The following PTPRQ variants were observed in gnomAD, a reference collection of about 807,000 sequenced individuals.
The protein encoded by PTPRQ is phosphatidylinositol phosphatase PTPRQ.
In PTPRQ, 199 loss-of-function variants were observed where a neutral mutation model predicts 246.0. The ratio of observed to expected loss-of-function variants is 0.81; its 90% CI spans 0.72 to 0.91. The LOEUF (loss-of-function observed/expected upper bound fraction) is 0.91. Ranked by LOEUF, PTPRQ falls within the 40% of genes least tolerant of loss-of-function variation. The pLI, the probability that PTPRQ is intolerant of heterozygous loss-of-function variation, is 0.00. For synonymous variants in PTPRQ, 869 were observed against 853.2 expected (o/e 1.02, Z -0.32); for missense variants, 2,624 against 2,528.4 (o/e 1.04, Z -0.81).
At chr12:80,648,651 A>G (rs1015410172) in intron 35 of PTPRQ, among the ~76,000 whole-genome samples, 1 of 152,128 alleles carries the variant, frequency 6.6e-6, no homozygotes, top group Non-Finnish European at 1.5e-5. Context: ...ATTTATAATG[A>G]CATTTATAAT....
intron 25 of PTPRQ, among the ~76,000 whole-genome samples, chr12:80,566,456 G>A (rs931224805): frequency 9.9e-5 from 15 of 151,906 alleles, no homozygotes; most frequent in Admixed American, 9.8e-4. Context: ...CCAGCCTGGG[G>A]GACAGAGCGA....
intron 25 of PTPRQ, among the ~76,000 whole-genome samples, 155 bp from the exon 26 acceptor site, chr12:80,587,974 G>T (rs1001645647): frequency 6.6e-6 from 1 of 152,082 alleles, no homozygotes; most frequent in African/African-American, 2.4e-5. Flanking sequence ...ATCACTCTAA[G>T]GTTCTTCTCA....
At chr12:80,485,973 A>T (rs1419385113) in intron 9 of PTPRQ, among the ~76,000 whole-genome samples, 1 of 152,104 alleles carries the variant, frequency 6.6e-6, no homozygotes, top group African/African-American at 2.4e-5. Flanking sequence ...TTTGGATTTA[A>T]ATTATGATTT....
intron 33 of PTPRQ, among the ~76,000 whole-genome samples, chr12:80,625,763 T>C (rs563232248): frequency 6.6e-6 from 1 of 152,272 alleles, no homozygotes; most frequent in African/African-American, 2.4e-5. Context: ...ATTTTAATCC[T>C]AAATAAATAC....
In PTPRQ at chr12:80,510,333, T is replaced by C; in HGVS notation, c.2568T>C (p.Ser856=). 6.5e-7 allele frequency: 1 copy of C among 1,544,318 alleles called. No homozygotes were observed. The highest frequency in any genetic ancestry group is 8.7e-7 in the Non-Finnish European group (1 of 1,143,474). The change falls in exon 17 of 45, where the codon TCT becomes TCC. Residue 856 remains serine (S), a synonymous_variant. Coordinates refer to ENST00000644991, the MANE Select transcript of PTPRQ (RefSeq NM_001145026.2). ...SILTEEDAPD[S]PPQDFSVKQL... ...ACCCTAACTTTACAGCTCCTGATTC[T>C]CCCCCTCAAGACTTCTCTGTAAAAC...
intron 8 of PTPRQ, among the ~76,000 whole-genome samples, chr12:80,475,930 T>A (rs1893796418): frequency 6.6e-6 from 1 of 152,112 alleles, no homozygotes; most frequent in Non-Finnish European, 1.5e-5. Flanking sequence ...CTGTCCTGCA[T>A]AATATTTGAT....
At chr12:80,561,715 A>C (rs1265388065) in intron 25 of PTPRQ, among the ~76,000 whole-genome samples, 1 of 151,966 alleles carries the variant, frequency 6.6e-6, no homozygotes, top group Admixed American at 6.6e-5. Context: ...CTGCGTAGAA[A>C]ATCATGCCAT....
intron 27 of PTPRQ, among the ~76,000 whole-genome samples, chr12:80,608,631 C>T (rs1898427203): frequency 7.2e-6 from 1 of 138,720 alleles, no homozygotes; most frequent in South Asian, 2.5e-4. Flanking sequence ...ACCCAGTGAC[C>T]TTGTGGAAGT....
chr12:80,571,777 T>G (rs879314222), intron 25 of PTPRQ, among the ~76,000 whole-genome samples: 3 of 152,106 alleles, frequency 2.0e-5, no homozygotes, highest in African/African-American at 4.8e-5. Flanking sequence ...TACTTTTATT[T>G]ATAATAAATA....
At chr12:80,547,751 G>GTTCCAAATA (rs1350658182) in intron 24 of PTPRQ, among the ~76,000 whole-genome samples, 4 of 152,076 alleles carry the variant, frequency 2.6e-5, no homozygotes, top group African/African-American at 4.8e-5. Flanking sequence ...TCATAATGTT[G>GTTCCAAATA]TTGTCAAAAA....
intron 35 of PTPRQ, among the ~76,000 whole-genome samples, chr12:80,645,930 T>C (rs2121212634): frequency 1.3e-5 from 2 of 152,214 alleles, no homozygotes; most frequent in South Asian, 4.1e-4. Context: ...AAAACTGAAT[T>C]ATTATGGTCA....
chr12:80,582,651 C>T lies in PTPRQ; in HGVS notation c.4286-5478C>T, dbSNP rs144152595. ...CCTCATCTGACTTTCAGTTCCAGAA[C>T]GTTGAGAAATAAATTTCTGTTGTTT... is the stretch of plus-strand genomic sequence containing the variant. On this transcript the variant is annotated intron_variant, in intron 25 of 44. Coordinates refer to ENST00000644991, the MANE Select transcript of PTPRQ (RefSeq NM_001145026.2). Among the ~76,000 whole-genome samples, 156 of 152,232 alleles carry T rather than the reference C, an allele frequency of 1.0e-3. 1 individual carries two copies. Among genetic ancestry groups the T allele is most frequent in the African/African-American group, 3.6e-3 (151 of 41,524 alleles).
At chr12:80,475,795 G>A (rs1386763041) in intron 8 of PTPRQ, among the ~76,000 whole-genome samples, 5 of 151,914 alleles carry the variant, frequency 3.3e-5, no homozygotes, top group Admixed American at 1.3e-4. Flanking sequence ...TACTAAGAAA[G>A]TAAGTATTGA....
intron 39 of PTPRQ, among the ~76,000 whole-genome samples, chr12:80,665,374 C>T (rs542554248): frequency 6.6e-6 from 1 of 152,094 alleles, no homozygotes; most frequent in South Asian, 2.1e-4. Context: ...ATTTTCATGA[C>T]TTTAAGTAAG....
chr12:80,566,584 G>T (rs1217010496), intron 25 of PTPRQ, among the ~76,000 whole-genome samples: 2 of 152,060 alleles, frequency 1.3e-5, no homozygotes, highest in Non-Finnish European at 2.9e-5. Flanking sequence ...TGTCACACAG[G>T]CTGGATATGC....
intron 25 of PTPRQ, among the ~76,000 whole-genome samples, chr12:80,556,306 G>A (rs535419915): frequency 3.3e-5 from 5 of 152,136 alleles, no homozygotes; most frequent in Non-Finnish European, 2.9e-5. Flanking sequence ...TGGGATTACA[G>A]GCATGAGCCA....
intron 39 of PTPRQ, among the ~76,000 whole-genome samples, chr12:80,663,360 A>T (rs1900690784): frequency 6.6e-6 from 1 of 151,832 alleles, no homozygotes; most frequent in Non-Finnish European, 1.5e-5. Flanking sequence ...CTCCTCCCTT[A>T]CAGGTACTGG....
At chr12:80,504,384 A>G (rs1894892179) in intron 14 of PTPRQ, among the ~76,000 whole-genome samples, 1 of 151,756 alleles carries the variant, frequency 6.6e-6, no homozygotes, top group Non-Finnish European at 1.5e-5. Context: ...AATATTATTT[A>G]CCATTATTTA....
chr12:80,672,538 T>C (rs576313977), intron 42 of PTPRQ, among the ~76,000 whole-genome samples: 6 of 152,148 alleles, frequency 3.9e-5, no homozygotes, highest in Admixed American at 1.3e-4. Context: ...ATCTTGTCTT[T>C]CTGATAATAG....
Sources: allele counts gnomAD v4.1 joint callset (sites outside exome capture counted in the v4.1 genomes callset), GRCh38; gene constraint gnomAD v4.1.1; transcripts MANE v1.5; gene names NCBI Gene and HGNC (gene_info 2026-07-23, HGNC 2026-07-21).